ZSWIM6: variants seen among roughly 807,000 people sequenced by gnomAD.
ZSWIM6 encodes zinc finger SWIM-type containing 6, also known as zinc finger SWIM domain-containing protein 6.
Under a neutral mutation model 113.2 loss-of-function variants are expected in ZSWIM6, and 9 were observed. The observed-to-expected ratio is 0.08, with a 90% CI of 0.05 to 0.14. ZSWIM6 has a LOEUF of 0.14. Ranked by LOEUF, ZSWIM6 falls within the 10% of genes least tolerant of loss-of-function variation. The pLI, the probability that ZSWIM6 is intolerant of heterozygous loss-of-function variation, is 1.00. For synonymous variants in ZSWIM6, 611 were observed against 606.5 expected (o/e 1.01, Z -0.11); for missense variants, 1,162 against 1,552.2 (o/e 0.75, Z 4.22).
chr5:61,435,772 A>C (rs997728098), intron 1 of ZSWIM6, among the ~76,000 whole-genome samples: 5 of 152,338 alleles, frequency 3.3e-5, no homozygotes, highest in Admixed American at 2.6e-4. Flanking sequence ...TGGTAGTTTT[A>C]GATGACAGAG....
chr5:61,405,707 G>C (rs920205272), intron 1 of ZSWIM6, among the ~76,000 whole-genome samples: 6 of 152,168 alleles, frequency 3.9e-5, no homozygotes, highest in African/African-American at 7.2e-5. Flanking sequence ...GAGTAGAAGA[G>C]TAGATTAGAG....
At chr5:61,357,991 C>T (rs1481745846) in intron 1 of ZSWIM6, among the ~76,000 whole-genome samples, 1 of 152,164 alleles carries the variant, frequency 6.6e-6, no homozygotes, top group Non-Finnish European at 1.5e-5. Flanking sequence ...AAGTTGCCTC[C>T]TCAATTTTTG....
At position 61,358,959 on chromosome 5, in the gene ZSWIM6, T is replaced by C. The variant is rs184614882; in HGVS notation, c.676+26011T>C. Among the ~76,000 whole-genome samples the C allele has an allele frequency of 2.6e-3, 395 of 152,312 alleles. 3 individuals carry two copies. Among genetic ancestry groups the C allele is most frequent in the Non-Finnish European group, 4.1e-3 (281 of 68,022 alleles). Reference sequence around the variant, plus strand: ...GCTCAAGAGCTGAGGTTTTGCTGTCTGGGAACTTTAATCTCTCATATGGGG... The same window carrying C: ...GCTCAAGAGCTGAGGTTTTGCTGTCCGGGAACTTTAATCTCTCATATGGGG... On this transcript the variant is annotated intron_variant, in intron 1 of 13. Coordinates refer to ENST00000252744, the MANE Select transcript of ZSWIM6 (RefSeq NM_020928.2).
chr5:61,432,521 T>G (rs1187371413), intron 1 of ZSWIM6, among the ~76,000 whole-genome samples: 2 of 152,324 alleles, frequency 1.3e-5, no homozygotes, highest in Admixed American at 1.3e-4. Flanking sequence ...TCATCACAGC[T>G]TCACAGCTGG....
rs1749847335 is a variant in ZSWIM6 at position 61,544,959 on chromosome 5, T to C, written c.*642T>C. 1 of 152,098 alleles carries C rather than the reference T, an allele frequency of 6.6e-6. No individual in the cohort carries two copies. Among genetic ancestry groups the C allele is most frequent in the African/African-American group, 2.4e-5 (1 of 41,412 alleles). 9.4% of individuals were successfully genotyped at this position (152,098 alleles called of 1,614,324 possible). On this transcript the variant is annotated 3_prime_UTR_variant, in exon 14 of 14. Coordinates refer to ENST00000252744, the MANE Select transcript of ZSWIM6 (RefSeq NM_020928.2). ...AAAAAAAGAATGAGAGCATTTATTGTACTGTATATATATTATAGTATATGT... is the reference window on the plus strand; with the variant it reads ...AAAAAAAGAATGAGAGCATTTATTGCACTGTATATATATTATAGTATATGT...
chr5:61,389,187 CAG>C (rs971022309), intron 1 of ZSWIM6, among the ~76,000 whole-genome samples: 59 of 152,172 alleles, frequency 3.9e-4, no homozygotes, highest in African/African-American at 1.3e-3. Flanking sequence ...GCTCTCTCAC[CAG>C]AGACTTGTTT....
At chr5:61,366,787 G>A (rs185554477) in intron 1 of ZSWIM6, among the ~76,000 whole-genome samples, 1 of 152,206 alleles carries the variant, frequency 6.6e-6, no homozygotes, top group Non-Finnish European at 1.5e-5. Context: ...AAATTAACCA[G>A]ACGTGATGGC....
chr5:61,332,821 C>T lies in ZSWIM6; in HGVS notation c.549C>T (p.Ala183=), dbSNP rs1481666079. The T allele has an allele frequency of 2.5e-5, 24 of 955,858 alleles. No homozygotes were observed. The highest frequency in any genetic ancestry group is 6.4e-5 in the Admixed American group (1 of 15,548). The allele number at this position is 955,858 out of a possible 1,614,324, so 59.2% of individuals were successfully genotyped here. A position where few individuals can be genotyped will look rare whatever the true frequency, so the allele number is the denominator to read the frequency against. The change falls in exon 1 of 14, where the codon GCC becomes GCT. Residue 183 remains alanine, a synonymous_variant. Coordinates refer to ENST00000252744, the MANE Select transcript of ZSWIM6 (RefSeq NM_020928.2). ...AAAAAAAAAA[A]AGAGAPSVGA... is the part of the protein sequence containing the mutation. ...CCGCCGCCGCCGCCGCCGCCGCCGC[C>T]GCGGGGGCCGGGGCCCCGTCGGTGG...
chr5:61,405,983 C>T (rs1409883211), intron 1 of ZSWIM6, among the ~76,000 whole-genome samples: 3 of 152,170 alleles, frequency 2.0e-5, no homozygotes, highest in African/African-American at 7.2e-5. Context: ...GAGCTTGGGA[C>T]TACTGTGAAA....
intron 1 of ZSWIM6, among the ~76,000 whole-genome samples, chr5:61,383,263 C>A (rs1441553960): frequency 1.3e-5 from 2 of 152,186 alleles, no homozygotes; most frequent in Non-Finnish European, 2.9e-5. Flanking sequence ...TAACTAGGTA[C>A]AGTCAACAAA....
At chr5:61,352,074 C>T (rs1254107015) in intron 1 of ZSWIM6, among the ~76,000 whole-genome samples, 1 of 152,202 alleles carries the variant, frequency 6.6e-6, no homozygotes, top group Non-Finnish European at 1.5e-5. Context: ...CCTGGACCCT[C>T]AGCCACCTTC....
rs1235609069 is a variant in ZSWIM6, at chr5:61,543,429, A to G, written c.2786-26A>G. ...CCTCTGGGCAGCCTCCTCGTCAGTAATAGAGCCTGTTTGTGTTCCTTGCAG... is the reference window on the plus strand; with the variant it reads ...CCTCTGGGCAGCCTCCTCGTCAGTAGTAGAGCCTGTTTGTGTTCCTTGCAG... On this transcript the variant is annotated intron_variant, in intron 13 of 13. Coordinates refer to ENST00000252744, the MANE Select transcript of ZSWIM6 (RefSeq NM_020928.2). The surrounding 1 kb of genome is among the most constrained non-coding windows in gnomAD (Gnocchi z 4.3). 15 of 1,536,140 alleles carry G rather than the reference A, an allele frequency of 9.8e-6. No homozygotes were observed. The Middle Eastern group carries it at 6.9e-4, about 71-fold the overall frequency.
Position 61,531,504 on chromosome 5 carries a change from T to A in ZSWIM6, c.2024T>A (p.Leu675Gln). 1 of 1,551,692 alleles carries A rather than the reference T, an allele frequency of 6.4e-7. No homozygotes were observed. Among genetic ancestry groups the A allele is most frequent in the South Asian group, 1.2e-5 (1 of 84,068 alleles). The change falls in exon 9 of 14, where the codon CTA becomes CAA. Residue 675 changes from leucine to glutamine, a missense_variant. Leu to Gln is a moderately radical substitution (Grantham distance 113, BLOSUM62 -2). Around this residue, in one of 4 missense-constraint regions of ZSWIM6, gnomAD observed 620 missense variants for 804.6 expected, o/e 0.77. Coordinates refer to ENST00000252744, the MANE Select transcript of ZSWIM6 (RefSeq NM_020928.2). ...GQCKSLEYQH[L>Q]PAHKFLEEGE... is the part of the protein sequence containing the mutation. ...TGCAAGTCTCTGGAATACCAGCATC[T>A]ACCTGCACACAAATTCTTAGAAGAA...
At chr5:61,360,019 A>G (rs77948575) in intron 1 of ZSWIM6, among the ~76,000 whole-genome samples, 5 of 151,766 alleles carry the variant, frequency 3.3e-5, no homozygotes, top group African/African-American at 7.3e-5. Context: ...AGAGAGAGAG[A>G]GGGAGAATGT....
At chr5:61,380,151 CT>C (rs1489327435) in intron 1 of ZSWIM6, among the ~76,000 whole-genome samples, 7 of 152,134 alleles carry the variant, frequency 4.6e-5, no homozygotes, top group Non-Finnish European at 5.9e-5. Flanking sequence ...TCACAGCTTA[CT>C]GTAACCTCCA....
chr5:61,348,891 A>T (rs1744724788), intron 1 of ZSWIM6, among the ~76,000 whole-genome samples: 1 of 151,944 alleles, frequency 6.6e-6, no homozygotes, highest in African/African-American at 2.4e-5. Context: ...TCTGTAAGGG[A>T]TTGTTGTGGA....
chr5:61,373,439 G>A (rs1002726664), intron 1 of ZSWIM6, among the ~76,000 whole-genome samples: 4 of 147,334 alleles, frequency 2.7e-5, no homozygotes, highest in African/African-American at 1.0e-4. Context: ...GTGCAGTGGC[G>A]CGATCTCGGC....
At chr5:61,460,829 A>G (rs2112168109) in intron 1 of ZSWIM6, among the ~76,000 whole-genome samples, 1 of 152,100 alleles carries the variant, frequency 6.6e-6, no homozygotes. Context: ...AAGATGATCC[A>G]TAGGTTTCAT....
intron 1 of ZSWIM6, among the ~76,000 whole-genome samples, chr5:61,356,883 A>G (rs1251262443): frequency 6.7e-6 from 1 of 148,928 alleles, no homozygotes; most frequent in Non-Finnish European, 1.5e-5. Context: ...TAAAGACAGA[A>G]GAAGTATGGG....
Sources: allele counts gnomAD v4.1 joint callset (sites outside exome capture counted in the v4.1 genomes callset), GRCh38; gene constraint gnomAD v4.1.1; regional missense constraint gnomAD v4.1.1; non-coding constraint Gnocchi (gnomAD v3.1); transcripts MANE v1.5; gene names NCBI Gene and HGNC (gene_info 2026-07-23, HGNC 2026-07-21).